The following IFT74 variants were observed in gnomAD, a reference collection of about 807,000 sequenced individuals.
The protein encoded by IFT74 is intraflagellar transport 74, also known as intraflagellar transport protein 74 homolog.
IFT74 carries 92 observed loss-of-function variants against 96.7 expected under a neutral mutation model. That is an observed-to-expected ratio of 0.95 (90% CI 0.80 to 1.13). The LOEUF (loss-of-function observed/expected upper bound fraction) is 1.13, where lower values mean the gene tolerates loss of function less well. Among genes scored for constraint, IFT74 ranks in the 50% most tolerant of loss-of-function variants. The pLI, the probability that IFT74 is intolerant of heterozygous loss-of-function variation, is 0.00. For synonymous variants in IFT74, 223 were observed against 213.2 expected, an observed-to-expected ratio of 1.05 and a Z score of -0.40; for missense variants, 811 against 698.2, an observed-to-expected ratio of 1.16 and a Z score of -1.82.
intron 2 of IFT74, among the ~76,000 whole-genome samples, chr9:26,964,763 A>G (rs1826531695): frequency 6.6e-6 from 1 of 152,166 alleles, no homozygotes; most frequent in African/African-American, 2.4e-5. Context: ...TACCACAAAA[A>G]TAAGAAAAAG....
intron 1 of IFT74, among the ~76,000 whole-genome samples, chr9:26,958,212 G>A (rs1826206791): frequency 6.6e-6 from 1 of 152,202 alleles, no homozygotes; most frequent in Non-Finnish European, 1.5e-5. Context: ...TTGCCATAAA[G>A]GGTGAGAAAT....
At chr9:26,958,713 G>T (rs1826224104) in intron 1 of IFT74, among the ~76,000 whole-genome samples, 1 of 152,122 alleles carries the variant, frequency 6.6e-6, no homozygotes. Context: ...ACATCTAAGT[G>T]GAGATGTTAT....
intron 2 of IFT74, among the ~76,000 whole-genome samples, chr9:26,974,117 T>G (rs1418627396): frequency 6.6e-6 from 1 of 152,170 alleles, no homozygotes; most frequent in Non-Finnish European, 1.5e-5. Context: ...GCTTGGTTCC[T>G]TTGAACGGGG....
chr9:26,974,402 C>T (rs1041717218), intron 2 of IFT74, among the ~76,000 whole-genome samples: 2 of 152,106 alleles, frequency 1.3e-5, no homozygotes, highest in African/African-American at 4.8e-5. Context: ...GGGGATCTTC[C>T]AAATTTAGGC....
chr9:27,028,899 A>G (rs1829994309), intron 12 of IFT74, 126 bp from the exon 13 acceptor site: 5 of 809,378 alleles, frequency 6.2e-6, no homozygotes, highest in Non-Finnish European at 9.5e-6. Context: ...TATTGTCCTT[A>G]GAATAAGACA....
intron 16 of IFT74, among the ~76,000 whole-genome samples, chr9:27,052,931 T>C (rs1372088643): frequency 6.6e-6 from 1 of 151,984 alleles, no homozygotes; most frequent in Admixed American, 6.6e-5. Context: ...GGCGCGATTT[T>C]GGCTCACTGC....
upstream of IFT74, chr9:26,956,234 GC>G (rs1826084666): frequency 6.6e-6 from 1 of 152,202 alleles, no homozygotes; most frequent in Admixed American, 6.5e-5. Flanking sequence ...TCTTCCAGCC[GC>G]CCCGCTGTTT....
At chr9:27,035,522 C>G (rs1272153183) in intron 13 of IFT74, among the ~76,000 whole-genome samples, 1 of 152,220 alleles carries the variant, frequency 6.6e-6, no homozygotes, top group African/African-American at 2.4e-5. Flanking sequence ...CTACCCCAGA[C>G]CTATTGAATT....
Position 27,062,870 on chromosome 9 carries a change from T to A in IFT74, c.*134T>A. On this transcript the variant is annotated 3_prime_UTR_variant, in exon 20 of 20. Coordinates refer to ENST00000380062, the MANE Select transcript of IFT74 (RefSeq NM_025103.4). ...TCTGAATGTTATAATTTTTGTGGCCTCTTTTAAGAATGATATTTTAAAATA... is the reference window on the plus strand; with the variant it reads ...TCTGAATGTTATAATTTTTGTGGCCACTTTTAAGAATGATATTTTAAAATA... The A allele has an allele frequency of 3.3e-6, 2 of 609,070 alleles. No individual in the cohort carries two copies. Among genetic ancestry groups the A allele is most frequent in the Non-Finnish European group, 5.8e-6 (2 of 342,956 alleles). 37.7% of individuals were successfully genotyped at this position (609,070 alleles called of 1,614,324 possible).
At chr9:27,036,727 T>G in intron 13 of IFT74, 1 of 1,271,652 alleles carries the variant, frequency 7.9e-7, no homozygotes. Context: ...GTGAAAGAAA[T>G]CCCTTACAGA....
intron 6 of IFT74, among the ~76,000 whole-genome samples, chr9:26,988,423 G>C (rs1169667585): frequency 6.6e-6 from 1 of 152,170 alleles, no homozygotes. Context: ...TATTCAGGAA[G>C]AGTTGTTTAT....
At chr9:26,980,661 A>G (rs1268151807) in intron 4 of IFT74, 42 bp downstream of exon 4, 2 of 1,277,352 alleles carry the variant, frequency 1.6e-6, no homozygotes, top group Non-Finnish European at 2.3e-6. Context: ...TTTACTCGAA[A>G]TATTGTGTAC....
intron 2 of IFT74, among the ~76,000 whole-genome samples, chr9:26,971,577 AG>A (rs956772863): frequency 6.6e-6 from 1 of 152,184 alleles, no homozygotes; most frequent in African/African-American, 2.4e-5. Context: ...AGGGGAAGGA[AG>A]GCAAGGAGTT....
At chr9:26,992,815 A>G (rs1194061884) in intron 8 of IFT74, among the ~76,000 whole-genome samples, 1 of 152,304 alleles carries the variant, frequency 6.6e-6, no homozygotes, top group Admixed American at 6.5e-5. Context: ...ATCTATCTTG[A>G]CTCTACACAG....
chr9:26,994,080 T>A (rs1487690565), intron 8 of IFT74: 1 of 152,204 alleles, frequency 6.6e-6, no homozygotes, highest in East Asian at 1.9e-4. Flanking sequence ...TAGGCCAGTG[T>A]TTTCCAAACT....
chr9:27,018,606 G>T (rs752024887), intron 11 of IFT74, 41 bp from the exon 12 acceptor site: 2 of 1,143,092 alleles, frequency 1.7e-6, no homozygotes, highest in South Asian at 1.5e-5. Context: ...CTTACAATGA[G>T]TTATTTTTTT....
chr9:27,024,597 G>A (rs756807870), intron 12 of IFT74, among the ~76,000 whole-genome samples: 1 of 152,124 alleles, frequency 6.6e-6, no homozygotes, highest in Non-Finnish European at 1.5e-5. Flanking sequence ...GGTAATATGA[G>A]AAGACAAGGT....
intron 14 of IFT74, 131 bp from the exon 15 acceptor site, chr9:27,047,143 G>A: frequency 1.9e-6 from 1 of 528,978 alleles, no homozygotes; most frequent in Non-Finnish European, 3.3e-6. Flanking sequence ...CTGCACTCCA[G>A]CCTGGCAACA....
chr9:26,972,902 CT>C (rs1317643479), intron 2 of IFT74, among the ~76,000 whole-genome samples: 3 of 152,152 alleles, frequency 2.0e-5, no homozygotes, highest in African/African-American at 7.2e-5. Context: ...AAGTCACCCA[CT>C]TTTTTTATAT....
Sources: allele counts gnomAD v4.1 joint callset (sites outside exome capture counted in the v4.1 genomes callset), GRCh38; gene constraint gnomAD v4.1.1; transcripts MANE v1.5; gene names NCBI Gene and HGNC (gene_info 2026-07-23, HGNC 2026-07-21).